The following TMEM204 variants were observed in gnomAD, a reference collection of about 807,000 sequenced individuals.
The protein encoded by TMEM204 is claudin-like protein 24.
TMEM204 carries 15 observed loss-of-function variants against 19.4 expected under a neutral mutation model. The observed-to-expected ratio is 0.77, with a 90% CI of 0.52 to 1.19. The LOEUF is 1.19. Among genes scored for constraint, TMEM204 ranks in the 50% most tolerant of loss-of-function variants. The probability of loss-of-function intolerance (pLI) is 0.00; values close to 1 mark genes in which losing one functional copy is unlikely to be tolerated. For synonymous variants in TMEM204, 161 were observed against 146.0 expected, an observed-to-expected ratio of 1.10 and a Z score of -0.74; for missense variants, 287 against 321.2, an observed-to-expected ratio of 0.89 and a Z score of 0.81.
intron 1 of TMEM204, among the ~76,000 whole-genome samples, chr16:1,538,545 C>A (rs1209889774): frequency 6.6e-6 from 1 of 152,134 alleles, no homozygotes; most frequent in Non-Finnish European, 1.5e-5. Context: ...CCCTCCAGGG[C>A]AGAGCGCAGA....
chr16:1,548,508 T>C (rs1452595817), intron 2 of TMEM204, among the ~76,000 whole-genome samples: 1 of 152,270 alleles, frequency 6.6e-6, no homozygotes, highest in Non-Finnish European at 1.5e-5. Flanking sequence ...ATTGATTCCA[T>C]GGGCAGAATT....
At chr16:1,536,430 G>A (rs1168924908) in intron 1 of TMEM204, among the ~76,000 whole-genome samples, 3 of 152,136 alleles carry the variant, frequency 2.0e-5, no homozygotes, top group African/African-American at 4.8e-5. Flanking sequence ...CTGAGCCCTG[G>A]TCAGCCCCTT....
Position 1,553,133 on chromosome 16 carries a change from G to A in TMEM204, c.437-1649G>A, listed in dbSNP as rs934731834. 1 of 985,248 alleles carries A rather than the reference G, an allele frequency of 1.0e-6. No individual in the cohort carries two copies. The highest frequency in any genetic ancestry group is 1.7e-5 in the African/African-American group (1 of 57,202). 61.0% of individuals were successfully genotyped at this position (985,248 alleles called of 1,614,324 possible). On this transcript the variant is annotated intron_variant, in intron 2 of 2. Coordinates refer to ENST00000566264, the MANE Select transcript of TMEM204 (RefSeq NM_024600.6). This position sits in a 1 kb window ranked among gnomAD's most constrained non-coding sequence, Gnocchi z 4.4. Reference sequence around the variant, plus strand: ...GGTACAGTGATGATGAAAAGATAATGCTTGGGTTTTTAGGAAAAACAAGGC... The same window carrying A: ...GGTACAGTGATGATGAAAAGATAATACTTGGGTTTTTAGGAAAAACAAGGC...
chr16:1,534,762 C>A (rs1174744787), intron 1 of TMEM204, among the ~76,000 whole-genome samples: 1 of 150,920 alleles, frequency 6.6e-6, no homozygotes, highest in Non-Finnish European at 1.5e-5. Context: ...GGTGGCCCCA[C>A]ACACTCCTCC....
rs555202149 is a variant in TMEM204 at position 1,553,820 on chromosome 16, G to A, written c.437-962G>A. ...CCTATGTTTCCAGCTGGATTAGGAC[G>A]CCCGGCTCCATCGCTGCGGCCACAG... On this transcript the variant is annotated intron_variant, in intron 2 of 2. Transcript: ENST00000566264. The surrounding 1 kb of genome is among the most constrained non-coding windows in gnomAD (Gnocchi z 4.4). 299 of 1,206,572 alleles carry A rather than the reference G, an allele frequency of 2.5e-4. No homozygotes were observed. Among genetic ancestry groups the A allele is most frequent in the Admixed American group, 4.3e-4 (14 of 32,292 alleles). 74.7% of individuals were successfully genotyped at this position (1,206,572 alleles called of 1,614,324 possible).
chr16:1,552,154 C>T (rs936273336), intron 2 of TMEM204, among the ~76,000 whole-genome samples: 3 of 152,100 alleles, frequency 2.0e-5, no homozygotes, highest in Admixed American at 6.5e-5. Context: ...CTGTAACACC[C>T]GCAAGTAGAA....
At chr16:1,538,849 G>A (rs895322074) in intron 1 of TMEM204, among the ~76,000 whole-genome samples, 3 of 152,210 alleles carry the variant, frequency 2.0e-5, no homozygotes, top group African/African-American at 7.2e-5. Flanking sequence ...TGTGGAGTCC[G>A]TTGGAGCAGT....
At chr16:1,539,543 T>G (rs1035092043) in intron 1 of TMEM204, among the ~76,000 whole-genome samples, 2 of 152,286 alleles carry the variant, frequency 1.3e-5, no homozygotes, top group African/African-American at 4.8e-5. Flanking sequence ...GGGAACCCCT[T>G]GGCCACCAGG....
At chr16:1,537,245 C>T (rs1476206696) in intron 1 of TMEM204, among the ~76,000 whole-genome samples, 1 of 151,870 alleles carries the variant, frequency 6.6e-6, no homozygotes. Flanking sequence ...GACAACGCCA[C>T]ACCGCGTGCC....
At chr16:1,541,657 G>C (rs2031649745) in intron 1 of TMEM204, 1 of 324,834 alleles carries the variant, frequency 3.1e-6, no homozygotes, top group South Asian at 1.2e-4. Flanking sequence ...GCAGAGTAGG[G>C]CCCGTCCCTG....
At chr16:1,538,263 G>A (rs1307521201) in intron 1 of TMEM204, among the ~76,000 whole-genome samples, 1 of 152,190 alleles carries the variant, frequency 6.6e-6, no homozygotes, top group Non-Finnish European at 1.5e-5. Context: ...CACGGCTGCT[G>A]CACAGAGCCC....
At chr16:1,554,631 G>T (rs2032942504) in intron 2 of TMEM204, 151 bp from the exon 3 acceptor site, 1 of 1,201,002 alleles carries the variant, frequency 8.3e-7, no homozygotes. Context: ...AGAGGGCTGG[G>T]GAAGGATAAA....
Position 1,536,146 on chromosome 16 carries a change from GCCT to G in TMEM204, c.280+1595_280+1597del, listed in dbSNP as rs2031050244. Among the ~76,000 whole-genome samples, 4 of 152,216 alleles carry G rather than the reference GCCT, an allele frequency of 2.6e-5. No individual in the cohort carries two copies. The South Asian group carries it at 8.3e-4, about 32-fold the overall frequency. Reference sequence around the variant, plus strand: ...CTTGGCCGCAGCTCTGCACCTCCAGGCCTCCTAACTGCTGCCACCAACACCCAC... The same window carrying G: ...CTTGGCCGCAGCTCTGCACCTCCAGGCCTAACTGCTGCCACCAACACCCAC... On this transcript the variant is annotated intron_variant, in intron 1 of 2. Transcript: ENST00000566264.
intron 1 of TMEM204, among the ~76,000 whole-genome samples, chr16:1,536,550 G>C (rs1361132333): frequency 6.6e-6 from 1 of 152,244 alleles, no homozygotes; most frequent in African/African-American, 2.4e-5. Flanking sequence ...CGTCACGGAA[G>C]CTCCTTGTAA....
chr16:1,536,586 C>T (rs2069702686), intron 1 of TMEM204, among the ~76,000 whole-genome samples: 1 of 152,224 alleles, frequency 6.6e-6, no homozygotes, highest in African/African-American at 2.4e-5. Flanking sequence ...GGAAAAGGAA[C>T]AGGCTCAACG....
chr16:1,544,285 G>A (rs1055360528), intron 2 of TMEM204, among the ~76,000 whole-genome samples: 3 of 151,460 alleles, frequency 2.0e-5, no homozygotes, highest in African/African-American at 7.3e-5. Flanking sequence ...CCGGGTTCAC[G>A]CCATTCTCCT....
intron 2 of TMEM204, among the ~76,000 whole-genome samples, chr16:1,550,501 G>A (rs944361711): frequency 7.9e-5 from 12 of 152,252 alleles, no homozygotes; most frequent in African/African-American, 2.9e-4. Context: ...AGGAAGCAGC[G>A]TGTGATGCTG....
chr16:1,540,437 G>A (rs895243590), intron 1 of TMEM204, among the ~76,000 whole-genome samples: 6 of 152,212 alleles, frequency 3.9e-5, no homozygotes, highest in African/African-American at 1.4e-4. Context: ...CGTGAACCTC[G>A]ACAGCTTCCC....
chr16:1,538,324 A>G (rs2031286658), intron 1 of TMEM204, among the ~76,000 whole-genome samples: 1 of 152,200 alleles, frequency 6.6e-6, no homozygotes, highest in South Asian at 2.1e-4. Flanking sequence ...CGAGGAAGGA[A>G]GGCTGAGAGG....
Sources: gnomAD v4.1 joint callset for allele counts (sites outside exome capture counted in the v4.1 genomes callset) on GRCh38, gnomAD v4.1.1 for gene constraint, Gnocchi (gnomAD v3.1) non-coding constraint, MANE v1.5 for transcripts, NCBI Gene and HGNC (gene_info 2026-07-23, HGNC 2026-07-21) for gene names.